Variants in PLTP observed in about 807,000 individuals in gnomAD.
PLTP encodes phospholipid transfer protein, also known as BPI fold containing family E.
In PLTP, 43 loss-of-function variants were observed where a neutral mutation model predicts 54.1. That is an observed-to-expected ratio of 0.79 (90% CI 0.62 to 1.02). The LOEUF (loss-of-function observed/expected upper bound fraction) is 1.02. Ranked by LOEUF, PLTP falls within the 50% of genes least tolerant of loss-of-function variation. The pLI is 0.00. For missense variants in PLTP, 604 were observed against 645.9 expected (o/e 0.94, Z 0.70); for synonymous variants, 263 against 264.6 (o/e 0.99, Z 0.06).
chr20:45,902,405 C>A, intron 11 of PLTP, 35 bp downstream of exon 11: 1 of 1,614,066 alleles, frequency 6.2e-7, no homozygotes, highest in Non-Finnish European at 8.5e-7. Context: ...TTTTCCCTGA[C>A]CCCCAGCCAG....
intron 1 of PLTP, 183 bp from the exon 2 acceptor site, chr20:45,911,646 A>G: frequency 1.3e-6 from 1 of 772,080 alleles, no homozygotes; most frequent in Non-Finnish European, 2.1e-6. Flanking sequence ...AGGCGATGCG[A>G]CTTGCGTTCT....
rs879537863 is a variant in PLTP at position 45,899,036 on chromosome 20, G to T, written c.1387C>A (p.His463Asn). The change falls in exon 16 of 16, where the codon CAC becomes AAC. Residue 463 changes from histidine (H) to asparagine (N), a missense_variant. Coordinates refer to ENST00000372431, the MANE Select transcript of PLTP (RefSeq NM_006227.4). ...AGFLTIGADL[H>N]FAKGLREVIE... ...ACCTCTCGCAGCCCTTTGGCAAAGT[G>T]GAGATCAGCCCCGATGGTGAGGAAT... is the stretch of plus-strand genomic sequence containing the variant. 1 of 1,614,232 alleles carries T rather than the reference G, an allele frequency of 6.2e-7. No homozygotes were observed. The highest frequency in any genetic ancestry group is 8.5e-7 in the Non-Finnish European group (1 of 1,180,032).
At chr20:45,910,959 C>T in intron 3 of PLTP, 193 bp downstream of exon 3, 1 of 1,468,348 alleles carries the variant, frequency 6.8e-7, no homozygotes, top group Non-Finnish European at 9.0e-7. Flanking sequence ...CGCCCATCTG[C>T]CTGGTCCCGC....
Position 45,904,945 on chromosome 20 carries a change from G to A in PLTP, c.879C>T (p.Asp293=), listed in dbSNP as rs147279890. ...CCACAAACAGGCCATGACATACCTT[G>A]TCCCCCACCAGCAACAGCTGCAGGG... ...AGALQLLLVG[D]KVPHDLDMLL... The change falls in exon 9 of 16, where the codon GAC becomes GAT. Residue 293 remains aspartate (D), a synonymous_variant. Coordinates refer to ENST00000372431, the MANE Select transcript of PLTP (RefSeq NM_006227.4). The A allele has an allele frequency of 5.4e-5, 87 of 1,614,196 alleles. No homozygotes were observed. The African/African-American group carries it at 1.1e-3, about 20-fold the overall frequency.
In PLTP at chr20:45,898,886, G is replaced by C. The variant is rs1289928950; in HGVS notation, c.*55C>G. On this transcript the variant is annotated 3_prime_UTR_variant, in exon 16 of 16. Transcript: ENST00000372431. The surrounding 1 kb of genome is among the most constrained non-coding windows in gnomAD (Gnocchi z 4.6). ...ACAGGCTATGAATGTGGGAAAAGAG[G>C]GGCTGAGAGGGGTTGGGGTCCTGAA... The C allele has an allele frequency of 1.9e-6, 3 of 1,596,948 alleles. No homozygotes were observed. Among genetic ancestry groups the C allele is most frequent in the South Asian group, 2.2e-5 (2 of 89,688 alleles).
At chr20:45,900,011 A>T in intron 12 of PLTP, 133 bp from the exon 13 acceptor site, 1 of 760,532 alleles carries the variant, frequency 1.3e-6, no homozygotes, top group Non-Finnish European at 2.3e-6. Context: ...CAAGTGCTAC[A>T]ACTTTCCAGG....
chr20:45,903,599 C>T (rs991529528), intron 10 of PLTP, among the ~76,000 whole-genome samples: 13 of 152,162 alleles, frequency 8.5e-5, no homozygotes, highest in African/African-American at 3.1e-4. Flanking sequence ...GATGCAACTG[C>T]CTAATCTTCA....
intron 13 of PLTP, 44 bp downstream of exon 13, chr20:45,899,792 G>T: frequency 1.3e-6 from 2 of 1,564,406 alleles, no homozygotes; most frequent in Non-Finnish European, 1.7e-6. Context: ...TGAGGGTCAG[G>T]ATCTCACGAA....
chr20:45,903,194 C>T (rs1030334472), intron 10 of PLTP, among the ~76,000 whole-genome samples: 1 of 151,136 alleles, frequency 6.6e-6, no homozygotes, highest in Admixed American at 6.6e-5. Context: ...CTTGCCATAT[C>T]TTTTTGCTCT....
In PLTP at chr20:45,907,884, G is replaced by C; in HGVS notation, c.506C>G (p.Ser169Cys). ...GCGCATCCCTGAGGTGATGAACGTG[G>C]AGAGAAAATCATACACCTTCCTGTG... Reference protein sequence around the residue: ...GTFKKVYDFLSTFITSGMRFL... With the variant: ...GTFKKVYDFLCTFITSGMRFL... The change falls in exon 6 of 16, where the codon TCC (serine) becomes TGC (cysteine). Residue 169 changes from serine (S) to cysteine (C), a missense_variant. Physicochemically the swap from Ser to Cys is moderately radical, Grantham distance 112. Transcript: ENST00000372431. The C allele has an allele frequency of 6.3e-7, 1 of 1,586,482 alleles. No individual in the cohort carries two copies. The highest frequency in any genetic ancestry group is 8.6e-7 in the Non-Finnish European group (1 of 1,166,862).
At chr20:45,911,066 A>C in intron 3 of PLTP, 86 bp downstream of exon 3, 12 of 1,610,666 alleles carry the variant, frequency 7.5e-6, no homozygotes, top group Non-Finnish European at 1.0e-5. Flanking sequence ...CTCAGCCTCC[A>C]GTCTCCCGAG....
intron 3 of PLTP, among the ~76,000 whole-genome samples, chr20:45,910,579 C>T (rs893082493): frequency 6.6e-6 from 1 of 150,694 alleles, no homozygotes; most frequent in African/African-American, 2.4e-5. Context: ...CGCGCCACTG[C>T]ACTCTAGCCT....
At chr20:45,908,212 T>G (rs2083258897) in intron 5 of PLTP, among the ~76,000 whole-genome samples, 1 of 152,142 alleles carries the variant, frequency 6.6e-6, no homozygotes, top group South Asian at 2.1e-4. Context: ...TCTGCATTCC[T>G]ACTCTGTATT....
intron 1 of PLTP, 131 bp from the exon 2 acceptor site, chr20:45,911,594 A>G (rs959900635): frequency 5.0e-5 from 63 of 1,271,058 alleles, no homozygotes; most frequent in Non-Finnish European, 6.4e-5. Flanking sequence ...GGAACCAATA[A>G]TCTTGCCTCC....
At chr20:45,902,764 C>G (rs1443157029) in intron 10 of PLTP, among the ~76,000 whole-genome samples, 160 bp from the exon 11 acceptor site, 1 of 152,256 alleles carries the variant, frequency 6.6e-6, no homozygotes, top group Non-Finnish European at 1.5e-5. Context: ...ACATCTGCAT[C>G]TAGCCTTCAT....
At chr20:45,902,224 T>C in intron 12 of PLTP, 43 bp downstream of exon 12, 1 of 1,595,894 alleles carries the variant, frequency 6.3e-7, no homozygotes, top group South Asian at 1.1e-5. Context: ...ACAGGTGTGA[T>C]TGTCCTCCAA....
In PLTP at chr20:45,911,163, GT is replaced by G. The variant is rs2083286941; in HGVS notation, c.188del (p.Tyr63SerfsTer6). 9.3e-6 allele frequency: 15 copies of G among 1,613,358 alleles called. No homozygotes were observed. Among genetic ancestry groups the G allele is most frequent in the Non-Finnish European group, 1.3e-5 (15 of 1,179,402 alleles). On this transcript the variant is annotated frameshift_variant, in exon 3 of 16. Coordinates refer to ENST00000372431, the MANE Select transcript of PLTP (RefSeq NM_006227.4). LOFTEE classifies it high-confidence loss of function. Reference protein sequence around the residue: ...DLRGKEGHFYYNISEVKVTEL... With the variant: ...DLRGKEGHFYXNISEVKVTEL... Reference sequence around the variant, plus strand: ...CGCCCCCCACTTACTCAGAGATGTTGTAGTAGAAGTGGCCTTCTTTGCCCCG... The same window carrying G: ...CGCCCCCCACTTACTCAGAGATGTTGAGTAGAAGTGGCCTTCTTTGCCCCG...
Position 45,910,056 on chromosome 20 carries a change from T to C in PLTP, c.215A>G (p.Glu72Gly), listed in dbSNP as rs1011228780. ...YYNISEVKVT[E>G]LQLTSSELDF... is the part of the protein sequence containing the mutation. ...GAGCTCGGAAGATGTCAGTTGCAGC[T>C]CTGTGACCTTCACCCTACAGGAGGC... The change falls in exon 4 of 16, where the codon GAG becomes GGG. Residue 72 changes from glutamate (E) to glycine (G), a missense_variant. Physicochemically the swap from Glu to Gly is moderately conservative, Grantham distance 98 (BLOSUM62 -2). Transcript: ENST00000372431. 6 of 1,614,010 alleles carry C rather than the reference T, an allele frequency of 3.7e-6. No homozygotes were observed. The highest frequency in any genetic ancestry group is 5.1e-6 in the Non-Finnish European group (6 of 1,179,974).
rs1328884536 is a variant in PLTP, at chr20:45,902,298, T to TC, written c.1143dup (p.Lys382GlufsTer47). 1.9e-6 allele frequency: 3 copies of TC among 1,613,946 alleles called. No individual in the cohort carries two copies. Among genetic ancestry groups the TC allele is most frequent in the Admixed American group, 3.3e-5 (2 of 60,004 alleles). ...AGGTCCAGCTGCGTGCGCAGGGCCT[T>TC]CCCCCGGAGAGCCATCTTGGCGCTG... On this transcript the variant is annotated frameshift_variant, in exon 12 of 16. Transcript: ENST00000372431. LOFTEE classifies it high-confidence loss of function.
Sources: allele counts gnomAD v4.1 joint callset (sites outside exome capture counted in the v4.1 genomes callset), GRCh38; gene constraint gnomAD v4.1.1; non-coding constraint Gnocchi (gnomAD v3.1); transcripts MANE v1.5; gene names NCBI Gene and HGNC (gene_info 2026-07-23, HGNC 2026-07-21).